MTDH: variants seen among roughly 807,000 people sequenced by gnomAD.
MTDH encodes the protein metadherin.
Under a neutral mutation model 72.7 loss-of-function variants are expected in MTDH, and 34 were observed. The observed-to-expected ratio is 0.47, with a 90% CI of 0.36 to 0.62. The LOEUF (loss-of-function observed/expected upper bound fraction) is 0.62, where lower values mean the gene tolerates loss of function less well. Among genes scored for constraint, MTDH ranks in the 20% least tolerant of loss-of-function variants. The pLI, the probability that MTDH is intolerant of heterozygous loss-of-function variation, is 0.00. For missense variants in MTDH, 677 were observed against 699.4 expected (o/e 0.97, Z 0.36); for synonymous variants, 266 against 268.9 (o/e 0.99, Z 0.10).
intron 1 of MTDH, among the ~76,000 whole-genome samples, chr8:97,650,476 T>C (rs1811727780): frequency 6.6e-6 from 1 of 151,902 alleles, no homozygotes. Flanking sequence ...CGTTTTGCTA[T>C]GTTGCCTAGA....
Position 97,687,480 on chromosome 8 carries a change from G to A in MTDH, c.620G>A (p.Arg207His), listed in dbSNP as rs1313270172. The A allele has an allele frequency of 6.2e-7, 1 of 1,612,698 alleles. No homozygotes were observed. Among genetic ancestry groups the A allele is most frequent in the Non-Finnish European group, 8.5e-7 (1 of 1,179,376 alleles). The change falls in exon 4 of 12, where the codon CGT becomes CAT. Residue 207 changes from arginine (R) to histidine (H), a missense_variant. This residue lies in a region of MTDH where 467 missense variants were observed against 469.1 expected (regional missense o/e 1.00). Transcript: ENST00000336273. ...AGAGAGAAACGACAGCAGCGTAAAC[G>A]TGATAAGGTGCTGACTGATTCTGGT... ...SHREKRQQRK[R>H]DKVLTDSGSL...
At chr8:97,723,465 C>T (rs533010978) in intron 11 of MTDH, among the ~76,000 whole-genome samples, 27 of 150,856 alleles carry the variant, frequency 1.8e-4, no homozygotes, top group Non-Finnish European at 3.7e-4. Flanking sequence ...TAAATTCTGC[C>T]GGGTGCGGTG....
intron 1 of MTDH, among the ~76,000 whole-genome samples, chr8:97,660,410 A>G (rs1296235833): frequency 1.3e-5 from 2 of 152,174 alleles, no homozygotes; most frequent in Non-Finnish European, 2.9e-5. Flanking sequence ...TTTATGTATC[A>G]TCTATGGCTG....
chr8:97,704,448 A>G (rs1214550262), intron 7 of MTDH, among the ~76,000 whole-genome samples: 2 of 152,096 alleles, frequency 1.3e-5, no homozygotes, highest in African/African-American at 4.8e-5. Context: ...TCTCTACAAA[A>G]AGTTTAAAAA....
Position 97,644,287 on chromosome 8 carries a change from C to A in MTDH, c.-220C>A. On this transcript the variant is annotated 5_prime_UTR_variant, in exon 1 of 12. Coordinates refer to ENST00000336273, the MANE Select transcript of MTDH (RefSeq NM_178812.4). ...AGACACTCCCTCCCGCCTCCCGGGT[C>A]TCCTGGCGGCGGCGGAGTGAGGCTG... The A allele has an allele frequency of 1.8e-6, 1 of 570,778 alleles. No individual in the cohort carries two copies. Among genetic ancestry groups the A allele is most frequent in the Non-Finnish European group, 2.9e-6 (1 of 342,550 alleles). The allele number at this position is 570,778 out of a possible 1,614,324, so 35.4% of individuals were successfully genotyped here. A position where few individuals can be genotyped will look rare whatever the true frequency, so the allele number is the denominator to read the frequency against.
At chr8:97,710,977 G>C (rs943819647) in intron 8 of MTDH, among the ~76,000 whole-genome samples, 1 of 152,036 alleles carries the variant, frequency 6.6e-6, no homozygotes, top group East Asian at 1.9e-4. Context: ...TCCAGCCTTG[G>C]CAACAGAGCA....
At chr8:97,653,410 T>C (rs973479511) in intron 1 of MTDH, among the ~76,000 whole-genome samples, 40 of 152,352 alleles carry the variant, frequency 2.6e-4, no homozygotes, top group African/African-American at 8.9e-4. Flanking sequence ...CTTTATTGCT[T>C]TTAAAATTTC....
At chr8:97,706,989 G>C (rs1025361166) in intron 8 of MTDH, among the ~76,000 whole-genome samples, 7 of 152,082 alleles carry the variant, frequency 4.6e-5, no homozygotes, top group Non-Finnish European at 1.0e-4. Context: ...GAGCCTCAGG[G>C]AGACAATAAT....
intron 2 of MTDH, among the ~76,000 whole-genome samples, chr8:97,668,256 C>A (rs117734131): frequency 6.6e-6 from 1 of 152,026 alleles, no homozygotes; most frequent in Non-Finnish European, 1.5e-5. Context: ...CACTATACTC[C>A]AGCCTGGGCG....
chr8:97,679,765 T>C lies in MTDH; in HGVS notation c.484-6903T>C, dbSNP rs55892865. On this transcript the variant is annotated intron_variant, in intron 2 of 11. Transcript: ENST00000336273. Reference sequence around the variant, plus strand: ...TGCTCAATTTTTTCCCATGGAAGTATGAGAACAACAAGCTTATTTAACCCG... The same window carrying C: ...TGCTCAATTTTTTCCCATGGAAGTACGAGAACAACAAGCTTATTTAACCCG... Among the ~76,000 whole-genome samples, 943 of 152,292 alleles carry C rather than the reference T, an allele frequency of 6.2e-3. 10 individuals carry two copies. The highest frequency in any genetic ancestry group is 0.021 in the African/African-American group (882 of 41,558).
In MTDH at chr8:97,724,827, G is replaced by T. The variant is rs1410441273; in HGVS notation, c.*157G>T. 1.9e-6 allele frequency: 1 copy of T among 525,764 alleles called. No individual in the cohort carries two copies. Among genetic ancestry groups the T allele is most frequent in the African/African-American group, 2.0e-5 (1 of 50,960 alleles). The allele number at this position is 525,764 out of a possible 1,614,324, so 32.6% of individuals were successfully genotyped here. On this transcript the variant is annotated 3_prime_UTR_variant, in exon 12 of 12. Coordinates refer to ENST00000336273, the MANE Select transcript of MTDH (RefSeq NM_178812.4). ...CACCACCATAAAAATGGAATCAAAAGAAAGTTAATTTATGAAATTAAGAGG... is the reference window on the plus strand; with the variant it reads ...CACCACCATAAAAATGGAATCAAAATAAAGTTAATTTATGAAATTAAGAGG...
At chr8:97,651,308 A>G (rs1811764811) in intron 1 of MTDH, among the ~76,000 whole-genome samples, 1 of 152,228 alleles carries the variant, frequency 6.6e-6, no homozygotes, top group African/African-American at 2.4e-5. Context: ...GCCTGAACAA[A>G]GCTTATCTAA....
intron 2 of MTDH, among the ~76,000 whole-genome samples, chr8:97,676,968 G>A (rs1373739198): frequency 8.2e-6 from 1 of 122,314 alleles, no homozygotes; most frequent in Non-Finnish European, 1.6e-5. Flanking sequence ...TTGTGCCATT[G>A]CACTCCAGCC....
chr8:97,668,576 C>CA, intron 2 of MTDH, among the ~76,000 whole-genome samples: 1 of 151,128 alleles, frequency 6.6e-6, no homozygotes, highest in African/African-American at 2.4e-5. Flanking sequence ...TTTTTTGAGA[C>CA]AGAGTCTAGC....
chr8:97,718,833 A>T (rs1005308401), intron 9 of MTDH, among the ~76,000 whole-genome samples: 4 of 151,430 alleles, frequency 2.6e-5, no homozygotes, highest in Admixed American at 1.3e-4. Context: ...AGTAACTGGG[A>T]CTACATGTAT....
At chr8:97,718,611 C>T (rs980063428) in intron 9 of MTDH, among the ~76,000 whole-genome samples, 2 of 150,364 alleles carry the variant, frequency 1.3e-5, no homozygotes, top group Admixed American at 1.3e-4. Flanking sequence ...ACCTTCACCT[C>T]CCAGGCTCAA....
chr8:97,679,242 A>C (rs2438224), intron 2 of MTDH, among the ~76,000 whole-genome samples: 2 of 152,134 alleles, frequency 1.3e-5, no homozygotes, highest in African/African-American at 2.4e-5. Context: ...GCTATAAACC[A>C]GATGTAAAAT....
chr8:97,644,936 G>T, intron 1 of MTDH, 49 bp downstream of exon 1: 1 of 1,482,298 alleles, frequency 6.7e-7, no homozygotes, highest in Non-Finnish European at 8.9e-7. Context: ...GGCGGGCGTG[G>T]AGACCCTCGA....
rs755400737 is a variant in MTDH at position 97,661,188 on chromosome 8, A to G, written c.483+15A>G. On this transcript the variant is annotated intron_variant, in intron 2 of 11. Transcript: ENST00000336273. ...AAAATGAAAAGGTAAGTTTGGGAGC[A>G]TATGAAATTGTATGCAAGACTCTTA... is the stretch of plus-strand genomic sequence containing the variant. 4.4e-6 allele frequency: 7 copies of G among 1,578,788 alleles called. No homozygotes were observed. Among genetic ancestry groups the G allele is most frequent in the Admixed American group, 3.4e-5 (2 of 58,070 alleles).
Sources: allele counts gnomAD v4.1 joint callset (sites outside exome capture counted in the v4.1 genomes callset), GRCh38; gene constraint gnomAD v4.1.1; regional missense constraint gnomAD v4.1.1; transcripts MANE v1.5; gene names NCBI Gene and HGNC (gene_info 2026-07-23, HGNC 2026-07-21).